The following PTCD2 variants were observed in gnomAD, a reference collection of about 807,000 sequenced individuals.
PTCD2 encodes the protein pentatricopeptide repeat-containing protein 2, mitochondrial.
PTCD2 carries 31 observed loss-of-function variants against 42.6 expected under a neutral mutation model. The ratio of observed to expected loss-of-function variants is 0.73; its 90% CI spans 0.55 to 0.98. PTCD2 has a LOEUF of 0.98. PTCD2 is among the 50% of genes least tolerant of loss of function. The pLI is 0.00. For missense variants in PTCD2, 476 were observed against 454.8 expected (o/e 1.05, Z -0.42); for synonymous variants, 183 against 170.9 (o/e 1.07, Z -0.55).
chr5:72,347,772 G>A (rs1752433276), intron 8 of PTCD2, among the ~76,000 whole-genome samples: 1 of 151,964 alleles, frequency 6.6e-6, no homozygotes, highest in Non-Finnish European at 1.5e-5. Context: ...CTAAACATGA[G>A]CCTGCTGAGC....
chr5:72,353,315 C>G (rs1752711788), intron 9 of PTCD2, among the ~76,000 whole-genome samples: 1 of 152,132 alleles, frequency 6.6e-6, no homozygotes, highest in Non-Finnish European at 1.5e-5. Flanking sequence ...CATCAGTATC[C>G]CCTTCCCTGT....
At chr5:72,324,250 A>G (rs1580137745) in intron 2 of PTCD2, among the ~76,000 whole-genome samples, 1 of 152,212 alleles carries the variant, frequency 6.6e-6, no homozygotes, top group East Asian at 1.9e-4. Flanking sequence ...AAGGCAATTA[A>G]TATAATCAGT....
In PTCD2 at chr5:72,363,526, G is replaced by C. The variant is rs1753137797; in HGVS notation, c.*5099G>C. ...TGTCCTCTGGTCTCAGTTGTGAGGA[G>C]GGGGAAGAGTGGGAAGTCTGGCCTT... On this transcript the variant is annotated 3_prime_UTR_variant, in exon 10 of 10. Transcript: ENST00000380639. 1 of 152,390 alleles carries C rather than the reference G, an allele frequency of 6.6e-6. No homozygotes were observed. The highest frequency in any genetic ancestry group is 1.5e-5 in the Non-Finnish European group (1 of 68,186). The allele number at this position is 152,390 out of a possible 1,614,324, so 9.4% of individuals were successfully genotyped here.
intron 9 of PTCD2, among the ~76,000 whole-genome samples, chr5:72,354,448 G>C (rs1752777729): frequency 7.2e-6 from 1 of 139,102 alleles, no homozygotes; most frequent in African/African-American, 2.7e-5. Context: ...CAACAACCCT[G>C]AAGAAAAATG....
At chr5:72,343,665 C>T (rs192067744) in intron 8 of PTCD2, among the ~76,000 whole-genome samples, 1 of 152,114 alleles carries the variant, frequency 6.6e-6, no homozygotes, top group East Asian at 1.9e-4. Context: ...ACATGCAAAA[C>T]CTTAATCCCT....
chr5:72,331,002 C>T (rs1751412825), intron 3 of PTCD2, among the ~76,000 whole-genome samples: 3 of 152,208 alleles, frequency 2.0e-5, no homozygotes, highest in Admixed American at 2.0e-4. Context: ...AGAATGATTA[C>T]AACATACGTT....
At chr5:72,342,310 T>G (rs892500600) in intron 7 of PTCD2, among the ~76,000 whole-genome samples, 1 of 152,196 alleles carries the variant, frequency 6.6e-6, no homozygotes, top group Non-Finnish European at 1.5e-5. Context: ...GTCTCTTCTC[T>G]GCTGCTGCTG....
intron 8 of PTCD2, among the ~76,000 whole-genome samples, chr5:72,352,425 C>G (rs1257935750): frequency 6.6e-6 from 1 of 152,146 alleles, no homozygotes; most frequent in Non-Finnish European, 1.5e-5. Flanking sequence ...GGATTACAGG[C>G]AAAGTTGTAG....
rs1024603295 is a variant in PTCD2, at chr5:72,322,190, C to T, written c.146C>T (p.Thr49Ile). The T allele has an allele frequency of 3.1e-6, 5 of 1,587,582 alleles. No individual in the cohort carries two copies. The African/African-American group carries it at 6.7e-5, about 21-fold the overall frequency. ...CPLGAKRYLL[T>I]DNVVKLKEFQ... ...TTTTTAGCTAAAAGATACCTACTTACAGATAATGTGGTGAAATTAAAAGAA... is the reference window on the plus strand; with the variant it reads ...TTTTTAGCTAAAAGATACCTACTTATAGATAATGTGGTGAAATTAAAAGAA... Residue 49 changes from threonine to isoleucine, a missense_variant, in exon 2 of 10, where the codon ACA becomes ATA. Physicochemically the swap from Thr to Ile is moderately conservative, Grantham distance 89 (BLOSUM62 -1). Transcript: ENST00000380639.
intron 2 of PTCD2, among the ~76,000 whole-genome samples, chr5:72,325,675 C>T (rs1486849204): frequency 6.6e-6 from 1 of 152,168 alleles, no homozygotes; most frequent in African/African-American, 2.4e-5. Context: ...GCTTCTAGTT[C>T]TTGTGTTTTA....
intron 8 of PTCD2, among the ~76,000 whole-genome samples, chr5:72,343,339 G>T (rs1289460931): frequency 1.1e-4 from 16 of 152,320 alleles, no homozygotes; most frequent in Admixed American, 8.5e-4. Flanking sequence ...AGCTGTAGAT[G>T]TAGGGAGGAG....
intron 4 of PTCD2, among the ~76,000 whole-genome samples, chr5:72,332,139 G>A (rs1020550930): frequency 2.0e-4 from 30 of 152,252 alleles, no homozygotes; most frequent in African/African-American, 6.0e-4. Context: ...TTGGGGCCAC[G>A]GCTGGCCACC....
rs1019560594 is a variant in PTCD2, at chr5:72,364,034, T to G, written c.*5607T>G. The G allele has an allele frequency of 3.3e-5, 5 of 152,228 alleles. No individual in the cohort carries two copies. Among genetic ancestry groups the G allele is most frequent in the Admixed American group, 3.3e-4 (5 of 15,290 alleles). The allele number at this position is 152,228 out of a possible 1,614,324, so 9.4% of individuals were successfully genotyped here. A position where few individuals can be genotyped will look rare whatever the true frequency, so the allele number is the denominator to read the frequency against. On this transcript the variant is annotated 3_prime_UTR_variant, in exon 10 of 10. Transcript: ENST00000380639. ...GGAACCAAATCATGGTAAAATTGAT[T>G]CTAAGGAAATGGTTGCACAAAAATA...
intron 9 of PTCD2, among the ~76,000 whole-genome samples, chr5:72,354,528 C>G (rs776341965): frequency 3.3e-5 from 5 of 151,460 alleles, no homozygotes; most frequent in Non-Finnish European, 7.4e-5. Flanking sequence ...AAAAGATTCT[C>G]TTGCCCATAT....
intron 3 of PTCD2, among the ~76,000 whole-genome samples, chr5:72,329,605 A>C (rs887420071): frequency 1.3e-5 from 2 of 152,098 alleles, no homozygotes; most frequent in Non-Finnish European, 2.9e-5. Flanking sequence ...TATTTACTGA[A>C]ATATGTTGAT....
chr5:72,338,474 G>A (rs1468843779), intron 6 of PTCD2, 148 bp from the exon 7 acceptor site: 7 of 416,504 alleles, frequency 1.7e-5, no homozygotes, highest in Non-Finnish European at 2.6e-5. Flanking sequence ...TTTGCAAATA[G>A]TCTTTATATG....
chr5:72,334,903 C>G, intron 4 of PTCD2, 115 bp from the exon 5 acceptor site: 1 of 675,222 alleles, frequency 1.5e-6, no homozygotes, highest in Non-Finnish European at 2.6e-6. Flanking sequence ...ATTCAGAAGG[C>G]CAAATGAGTA....
At position 72,350,276 on chromosome 5, in the gene PTCD2, A is replaced by G. The variant is rs376547709; in HGVS notation, c.829-2365A>G. On this transcript the variant is annotated intron_variant, in intron 8 of 9. Transcript: ENST00000380639. ...CACGGATGCTAGTGGAGTATACAAG[A>G]CACAGAGAAATAAAGGACAATTTAT... 8.1e-4 allele frequency among the ~76,000 whole-genome samples: 119 copies of G among 147,038 alleles called. No individual in the cohort carries two copies. The South Asian group carries it at 0.025, about 31-fold the overall frequency.
chr5:72,352,881 C>G, intron 9 of PTCD2, 127 bp downstream of exon 9: 1 of 574,842 alleles, frequency 1.7e-6, no homozygotes, highest in South Asian at 2.4e-5. Context: ...TCTGTTGTTC[C>G]TGTTTTAAGA....
Sources: gnomAD v4.1 joint callset for allele counts (sites outside exome capture counted in the v4.1 genomes callset) on GRCh38, gnomAD v4.1.1 for gene constraint, MANE v1.5 for transcripts, NCBI Gene and HGNC (gene_info 2026-07-23, HGNC 2026-07-21) for gene names.